Variants in KIAA1217 observed in about 807,000 individuals in gnomAD.
The protein encoded by KIAA1217 is KIAA1217, also known as sickle tail protein homolog.
A neutral mutation model predicts 163.9 loss-of-function variants in KIAA1217; 88 were observed. The observed-to-expected ratio is 0.54, with a 90% CI of 0.45 to 0.64. The LOEUF is 0.64. KIAA1217 is among the 30% of genes least tolerant of loss of function. KIAA1217 has a pLI of 0.00. For synonymous variants in KIAA1217, 903 were observed against 923.1 expected (o/e 0.98, Z 0.39); for missense variants, 2,372 against 2,475.0 (o/e 0.96, Z 0.88).
At chr10:24,287,409 C>G (rs1190099646) in intron 2 of KIAA1217, among the ~76,000 whole-genome samples, 1 of 152,202 alleles carries the variant, frequency 6.6e-6, no homozygotes, top group Non-Finnish European at 1.5e-5. Context: ...GAGCCAAAAA[C>G]AGCCACGTTC....
At chr10:24,069,264 C>T (rs949515348) in intron 2 of KIAA1217, among the ~76,000 whole-genome samples, 6 of 152,138 alleles carry the variant, frequency 3.9e-5, no homozygotes, top group Non-Finnish European at 8.8e-5. Context: ...TTGTAATGTT[C>T]GACATGTGGT....
intron 1 of KIAA1217, among the ~76,000 whole-genome samples, chr10:23,874,815 G>A (rs1044935683): frequency 6.6e-6 from 1 of 151,948 alleles, no homozygotes; most frequent in African/African-American, 2.4e-5. Context: ...TACAGAAAGG[G>A]TATTTGTCTT....
intron 1 of KIAA1217, among the ~76,000 whole-genome samples, chr10:23,819,055 A>ACAC (rs1837496681): frequency 2.0e-5 from 3 of 152,222 alleles, no homozygotes; most frequent in African/African-American, 7.2e-5. Context: ...GATTATTTGC[A>ACAC]TGATATTAAA....
intron 2 of KIAA1217, among the ~76,000 whole-genome samples, chr10:24,081,392 G>C (rs535533318): frequency 2.0e-4 from 31 of 152,258 alleles, no homozygotes; most frequent in African/African-American, 7.5e-4. Flanking sequence ...TTCTGTGGGG[G>C]ATACGGATGA....
At chr10:24,239,438 A>C in intron 2 of KIAA1217, 1 of 333,850 alleles carries the variant, frequency 3.0e-6, no homozygotes, top group Non-Finnish European at 4.3e-6. Context: ...GAAGAAGTGA[A>C]TCAATAAGCC....
At chr10:24,281,076 T>C (rs1299846894) in intron 2 of KIAA1217, among the ~76,000 whole-genome samples, 3 of 152,226 alleles carry the variant, frequency 2.0e-5, no homozygotes, top group Admixed American at 2.0e-4. Context: ...AACTTTGATG[T>C]GTATTTAAAA....
chr10:24,264,794 T>A, intron 2 of KIAA1217, among the ~76,000 whole-genome samples: 1 of 149,948 alleles, frequency 6.7e-6, no homozygotes, highest in African/African-American at 2.5e-5. Flanking sequence ...TCTCTCTCTC[T>A]CTCTCTCTCA....
intron 1 of KIAA1217, among the ~76,000 whole-genome samples, chr10:23,970,781 T>C (rs1845280785): frequency 6.6e-6 from 1 of 152,060 alleles, no homozygotes; most frequent in African/African-American, 2.4e-5. Context: ...CCTAAAACAC[T>C]AGTTCAGGCC....
chr10:24,385,040 C>A (rs74695787), intron 3 of KIAA1217, among the ~76,000 whole-genome samples: 1,866 of 152,306 alleles, frequency 0.012, 37 homozygotes, highest in African/African-American at 0.042. Context: ...AGCCCAGTTC[C>A]CGGCCTGTAC....
chr10:23,928,502 A>T (rs1843122694), intron 1 of KIAA1217, among the ~76,000 whole-genome samples: 1 of 152,210 alleles, frequency 6.6e-6, no homozygotes, highest in African/African-American at 2.4e-5. Context: ...TCATTTAATA[A>T]GTAGTTATTG....
chr10:24,327,749 A>T (rs1047819831), intron 2 of KIAA1217, among the ~76,000 whole-genome samples: 2 of 152,140 alleles, frequency 1.3e-5, no homozygotes, highest in African/African-American at 2.4e-5. Context: ...AAGTGCTGGG[A>T]TTAGAGGTGT....
At chr10:24,541,841 C>A (rs929264131) in intron 17 of KIAA1217, among the ~76,000 whole-genome samples, 1 of 152,306 alleles carries the variant, frequency 6.6e-6, no homozygotes, top group South Asian at 2.1e-4. Context: ...GTGACGTCAC[C>A]GTCACCAATG....
At chr10:24,310,844 A>G (rs989484312) in intron 2 of KIAA1217, among the ~76,000 whole-genome samples, 2 of 152,134 alleles carry the variant, frequency 1.3e-5, no homozygotes, top group Non-Finnish European at 2.9e-5. Context: ...AAAAAATGCA[A>G]CAATTAGCCA....
intron 2 of KIAA1217, among the ~76,000 whole-genome samples, chr10:24,273,379 C>A (rs1249650158): frequency 6.6e-6 from 1 of 152,156 alleles, no homozygotes; most frequent in Non-Finnish European, 1.5e-5. Context: ...TAATGATCTT[C>A]TTTGAAGTTA....
At chr10:24,538,465 G>A (rs2074361449) in intron 17 of KIAA1217, among the ~76,000 whole-genome samples, 1 of 151,086 alleles carries the variant, frequency 6.6e-6, no homozygotes, top group African/African-American at 2.4e-5. Flanking sequence ...ATCACTTGAG[G>A]CCAGGAGTTC....
At chr10:24,482,744 GT>G (rs1238734401) in intron 6 of KIAA1217, 2 of 152,230 alleles carry the variant, frequency 1.3e-5, no homozygotes, top group Non-Finnish European at 2.9e-5. Context: ...ATTGAACTGG[GT>G]GCAGTAACTC....
At position 24,360,201 on chromosome 10, in the gene KIAA1217, C is replaced by G. The variant is rs190393389; in HGVS notation, c.355-20668C>G. ...AGCTGGGATTACAGGCACACGCCAC[C>G]ATACCCGGCTAATTCTTTGTACTTT... On this transcript the variant is annotated intron_variant, in intron 2 of 20. Coordinates refer to ENST00000376454, the MANE Select transcript of KIAA1217 (RefSeq NM_019590.5). 1.3e-3 allele frequency among the ~76,000 whole-genome samples: 204 copies of G among 152,012 alleles called. 1 individual carries two copies. The highest frequency in any genetic ancestry group is 3.1e-4 in the Non-Finnish European group (21 of 67,988).
intron 2 of KIAA1217, among the ~76,000 whole-genome samples, chr10:24,350,250 C>T (rs935466486): frequency 6.6e-6 from 1 of 152,152 alleles, no homozygotes; most frequent in African/African-American, 2.4e-5. Context: ...AGTGACCTGG[C>T]TCCCCAACAA....
At chr10:24,225,039 A>C (rs1010909331) in intron 2 of KIAA1217, among the ~76,000 whole-genome samples, 1 of 151,978 alleles carries the variant, frequency 6.6e-6, no homozygotes, top group South Asian at 2.1e-4. Context: ...GTTAGCCAGG[A>C]TGGTCTCGAT....
Sources: allele counts gnomAD v4.1 joint callset (sites outside exome capture counted in the v4.1 genomes callset), GRCh38; gene constraint gnomAD v4.1.1; transcripts MANE v1.5; gene names NCBI Gene and HGNC (gene_info 2026-07-23, HGNC 2026-07-21).